The following NECAP2 variants were observed in gnomAD, a reference collection of about 807,000 sequenced individuals.
NECAP2 encodes NECAP endocytosis associated 2.
Under a neutral mutation model 37.8 loss-of-function variants are expected in NECAP2, and 38 were observed. The observed-to-expected ratio is 1.01, with a 90% confidence interval of 0.78 to 1.32. The LOEUF is 1.32. NECAP2 is among the 40% of genes most tolerant of loss of function. The probability of loss-of-function intolerance (pLI) is 0.00; values close to 1 mark genes in which losing one functional copy is unlikely to be tolerated. For synonymous variants in NECAP2, 121 were observed against 127.7 expected, an observed-to-expected ratio of 0.95 and a Z score of 0.35; for missense variants, 316 against 334.5, an observed-to-expected ratio of 0.94 and a Z score of 0.43.
chr1:16,447,212 C>T (rs1156845144), intron 2 of NECAP2, among the ~76,000 whole-genome samples: 2 of 152,138 alleles, frequency 1.3e-5, no homozygotes, highest in Non-Finnish European at 2.9e-5. Context: ...CAGACGTCAG[C>T]ACATGGGAAA....
At chr1:16,441,972 G>C (rs936497709) in intron 1 of NECAP2, among the ~76,000 whole-genome samples, 1 of 149,338 alleles carries the variant, frequency 6.7e-6, no homozygotes, top group Non-Finnish European at 1.5e-5. Flanking sequence ...CCCATCTCCT[G>C]TTGGGTCTTT....
chr1:16,443,896 T>C (rs147216736), intron 2 of NECAP2, among the ~76,000 whole-genome samples, 164 bp downstream of exon 2: 1 of 152,292 alleles, frequency 6.6e-6, no homozygotes, highest in African/African-American at 2.4e-5. Flanking sequence ...ACCTTAGTTG[T>C]AGAAAGTACC....
intron 4 of NECAP2, 126 bp downstream of exon 4, chr1:16,448,267 C>A: frequency 1.1e-6 from 1 of 872,066 alleles, no homozygotes; most frequent in Non-Finnish European, 1.9e-6. Context: ...CAGGAGAACC[C>A]AGGACAAGCC....
In NECAP2 at chr1:16,459,142, G is replaced by A. The variant is rs774109508; in HGVS notation, c.*252G>A. On this transcript the variant is annotated 3_prime_UTR_variant, in exon 8 of 8. Transcript: ENST00000337132. ...AGCTCCAGGATCCCTGTCCCCATCT[G>A]TCCTCTTGATGTGAGAGAGACTCTG... 1.3e-6 allele frequency: 1 copy of A among 744,272 alleles called. No homozygotes were observed. The highest frequency in any genetic ancestry group is 2.1e-6 in the Non-Finnish European group (1 of 470,650). The allele number at this position is 744,272 out of a possible 1,614,324, so 46.1% of individuals were successfully genotyped here. A position where few individuals can be genotyped will look rare whatever the true frequency, so the allele number is the denominator to read the frequency against.
intron 2 of NECAP2, among the ~76,000 whole-genome samples, chr1:16,447,098 G>T (rs1461769750): frequency 6.6e-6 from 1 of 151,510 alleles, no homozygotes; most frequent in African/African-American, 2.4e-5. Context: ...CAAATTCCTG[G>T]GCTCAAGCAA....
chr1:16,452,630 G>A (rs1245016828), intron 6 of NECAP2, among the ~76,000 whole-genome samples: 1 of 152,182 alleles, frequency 6.6e-6, no homozygotes, highest in Non-Finnish European at 1.5e-5. Flanking sequence ...CACCTCGGGT[G>A]TGGGAATCTG....
chr1:16,444,255 T>C (rs2100945100), intron 2 of NECAP2, among the ~76,000 whole-genome samples: 1 of 152,258 alleles, frequency 6.6e-6, no homozygotes, highest in East Asian at 1.9e-4. Context: ...TGGGGGAAAC[T>C]TCACAAGTCC....
chr1:16,453,453 A>G (rs1255317769), intron 6 of NECAP2, among the ~76,000 whole-genome samples: 1 of 151,872 alleles, frequency 6.6e-6, no homozygotes, highest in African/African-American at 2.4e-5. Context: ...TCTGAGAGCT[A>G]CTACCTTAGG....
At chr1:16,456,559 C>T (rs2086922922) in intron 7 of NECAP2, among the ~76,000 whole-genome samples, 1 of 152,154 alleles carries the variant, frequency 6.6e-6, no homozygotes, top group Admixed American at 6.5e-5. Context: ...AGAGTTCAGA[C>T]CCAGGCTCCA....
chr1:16,442,845 T>C (rs1436119669), intron 1 of NECAP2, among the ~76,000 whole-genome samples: 1 of 152,002 alleles, frequency 6.6e-6, no homozygotes, highest in East Asian at 1.9e-4. Context: ...TCTCTTGAGC[T>C]CAGGAGGTTG....
At chr1:16,451,531 A>G in intron 5 of NECAP2, 3 of 371,854 alleles carry the variant, frequency 8.1e-6, no homozygotes, top group Non-Finnish European at 1.5e-5. Context: ...TATCGTAGTC[A>G]ATACTTGATA....
chr1:16,448,203 TC>T, intron 4 of NECAP2, 62 bp downstream of exon 4: 1 of 1,488,196 alleles, frequency 6.7e-7, no homozygotes, highest in Non-Finnish European at 9.4e-7. Flanking sequence ...CAGAATGATC[TC>T]CCAGGTTAGG....
intron 7 of NECAP2, 34 bp downstream of exon 7, chr1:16,455,927 G>A (rs772721152): frequency 1.3e-6 from 2 of 1,559,148 alleles, no homozygotes; most frequent in Admixed American, 1.7e-5. Flanking sequence ...AGGGGCTGGG[G>A]CCAGGGCCGT....
intron 1 of NECAP2, 30 bp downstream of exon 1, chr1:16,440,883 T>C (rs751002198): frequency 6.3e-7 from 1 of 1,589,680 alleles, no homozygotes; most frequent in Non-Finnish European, 8.6e-7. Context: ...CCAGGCTAGC[T>C]CCAATTTAAC....
Position 16,459,070 on chromosome 1 carries a change from A to C in NECAP2, c.*180A>C, listed in dbSNP as rs2086972829. 1 of 1,414,588 alleles carries C rather than the reference A, an allele frequency of 7.1e-7. No individual in the cohort carries two copies. The highest frequency in any genetic ancestry group is 1.4e-5 in the African/African-American group (1 of 69,356). 87.6% of individuals were successfully genotyped at this position (1,414,588 alleles called of 1,614,324 possible). On this transcript the variant is annotated 3_prime_UTR_variant, in exon 8 of 8. Coordinates refer to ENST00000337132, the MANE Select transcript of NECAP2 (RefSeq NM_018090.5). The stretch of plus-strand genomic sequence containing the variant: ...TGGCAGTAAATTGGCACCGTGTCAC[A>C]CTGTTTCCTGGGATTCAAGTATGCA...
chr1:16,442,758 T>A (rs1228061783), intron 1 of NECAP2, among the ~76,000 whole-genome samples: 1 of 152,094 alleles, frequency 6.6e-6, no homozygotes, highest in Non-Finnish European at 1.5e-5. Context: ...ACCCTATCTC[T>A]ATAATTTTTT....
At position 16,447,924 on chromosome 1, in the gene NECAP2, G is replaced by C. The variant is rs190802891; in HGVS notation, c.248G>C (p.Ser83Thr). The C allele has an allele frequency of 9.9e-6, 16 of 1,614,206 alleles. No homozygotes were observed. The Admixed American group carries it at 1.0e-4, about 10-fold the overall frequency. ...CAGTTTCCTGGCACAGCTGTGGAGA[G>C]TGTGACGGATTCCAGCAGGTACTTC... The part of the protein sequence containing the change: ...VDQFPGTAVE[S>T]VTDSSRYFVI... Residue 83 changes from serine (S) to threonine (T), a missense_variant, in exon 3 of 8, where the codon AGT becomes ACT. Around this residue, in one of 3 missense-constraint regions of NECAP2, gnomAD observed 81 missense variants for 124.2 expected, o/e 0.65. Transcript: ENST00000337132.
In NECAP2 at chr1:16,458,838, A is replaced by G; in HGVS notation, c.744-4A>G. Reference sequence around the variant, plus strand: ...CCCCACCCTTCCCTGTCTTCTCTTTACAGATCAACTTCCAGCCAGACCCAG... The same window carrying G: ...CCCCACCCTTCCCTGTCTTCTCTTTGCAGATCAACTTCCAGCCAGACCCAG... On this transcript the variant is annotated splice_polypyrimidine_tract_variant and splice_region_variant and intron_variant, in intron 7 of 7. Transcript: ENST00000337132. The G allele has an allele frequency of 2.5e-6, 4 of 1,613,304 alleles. No homozygotes were observed. The South Asian group carries it at 3.3e-5, about 13-fold the overall frequency.
chr1:16,450,268 GTTTT>G, intron 5 of NECAP2: 2 of 354,468 alleles, frequency 5.6e-6, no homozygotes, highest in South Asian at 2.0e-5. Flanking sequence ...GTTTTGTTTT[GTTTT>G]TTGTTTTGTT....
Sources: allele counts gnomAD v4.1 joint callset (sites outside exome capture counted in the v4.1 genomes callset), GRCh38; gene constraint gnomAD v4.1.1; regional missense constraint gnomAD v4.1.1; transcripts MANE v1.5; gene names NCBI Gene and HGNC (gene_info 2026-07-23, HGNC 2026-07-21).